The following EDA variants were observed in gnomAD, a reference collection of about 807,000 sequenced individuals.
EDA encodes ectodysplasin-A.
Under a neutral mutation model 23.6 loss-of-function variants are expected in EDA, and 2 were observed. That is an observed-to-expected ratio of 0.08 (90% CI 0.03 to 0.27). The LOEUF is 0.27. EDA is among the 10% of genes least tolerant of loss of function. The pLI is 1.00. For missense variants in EDA, 229 were observed against 324.2 expected, an observed-to-expected ratio of 0.71 and a Z score of 2.26; for synonymous variants, 131 against 132.0, an observed-to-expected ratio of 0.99 and a Z score of 0.05.
intron 1 of EDA, among the ~76,000 whole-genome samples, chrX:69,695,798 C>T (rs1423389912): frequency 9.1e-6 from 1 of 110,139 alleles, no homozygotes; most frequent in African/African-American, 3.3e-5. Context: ...TGAGCCACTG[C>T]ACCCAGCCTC....
chrX:69,676,059 A>G (rs1375395112), intron 1 of EDA, among the ~76,000 whole-genome samples: 2 of 111,377 alleles, frequency 1.8e-5, no homozygotes, highest in Non-Finnish European at 3.8e-5. Context: ...TGACTGAAGC[A>G]GAATGAGTAA....
chrX:69,665,952 G>C (rs1385943074), intron 1 of EDA, among the ~76,000 whole-genome samples: 1 of 111,052 alleles, frequency 9.0e-6, no homozygotes, highest in African/African-American at 3.3e-5. Flanking sequence ...ATGAGCATGG[G>C]ATATCTTTCC....
At chrX:69,959,220 T>C (rs960548250) in intron 2 of EDA, among the ~76,000 whole-genome samples, 2 of 112,105 alleles carry the variant, frequency 1.8e-5, no homozygotes, top group Admixed American at 1.9e-4. Context: ...CTCTAGTCAG[T>C]CACTAGACTC....
At chrX:69,869,049 G>A (rs2017527565) in intron 1 of EDA, among the ~76,000 whole-genome samples, 1 of 111,932 alleles carries the variant, frequency 8.9e-6, no homozygotes, top group African/African-American at 3.3e-5. Flanking sequence ...CGCCACTGAT[G>A]CAATATTGTT....
chrX:70,026,225 G>A (rs1046816371), intron 3 of EDA, among the ~76,000 whole-genome samples: 9 of 112,520 alleles, frequency 8.0e-5, no homozygotes, highest in Non-Finnish European at 1.7e-4. Context: ...GGTGAAGGAA[G>A]GAAGAAGACC....
chrX:69,888,072 A>C (rs999250119), intron 1 of EDA, among the ~76,000 whole-genome samples: 17 of 112,135 alleles, frequency 1.5e-4, no homozygotes, highest in Non-Finnish European at 3.0e-4. Context: ...TCTCTAGTAT[A>C]AAAGTTATCT....
chrX:69,859,529 T>C (rs1348457625), intron 1 of EDA, among the ~76,000 whole-genome samples: 1 of 112,098 alleles, frequency 8.9e-6, no homozygotes, highest in African/African-American at 3.2e-5. Context: ...TCCATGTAAT[T>C]GTATGGTCTT....
At chrX:69,882,164 T>C (rs2017757921) in intron 1 of EDA, among the ~76,000 whole-genome samples, 1 of 111,975 alleles carries the variant, frequency 8.9e-6, no homozygotes, top group South Asian at 3.8e-4. Flanking sequence ...GCCTTAATAT[T>C]ATACCATTAG....
chrX:69,879,101 T>G, intron 1 of EDA, among the ~76,000 whole-genome samples: 1 of 104,322 alleles, frequency 9.6e-6, no homozygotes, highest in East Asian at 3.5e-4. Context: ...CCCCAACCGC[T>G]CCCGCCAAGC....
intron 2 of EDA, among the ~76,000 whole-genome samples, chrX:69,961,031 A>AGAAAG (rs2019094072): frequency 5.8e-5 from 6 of 103,691 alleles, no homozygotes; most frequent in African/African-American, 1.7e-4. Flanking sequence ...AAAAGAAAAA[A>AGAAAG]AAAGAAAGAA....
At chrX:69,723,745 A>T (rs1159365958) in intron 1 of EDA, among the ~76,000 whole-genome samples, 1 of 111,985 alleles carries the variant, frequency 8.9e-6, no homozygotes, top group Non-Finnish European at 1.9e-5. Flanking sequence ...GCATGTTAGA[A>T]TGTGTTTGAA....
chrX:70,020,114 C>T (rs897486015), intron 2 of EDA, among the ~76,000 whole-genome samples: 5 of 111,368 alleles, frequency 4.5e-5, no homozygotes, highest in Non-Finnish European at 9.4e-5. Context: ...TAGGGAAGGC[C>T]TAAGTAAGCA....
At chrX:69,740,313 A>G (rs1047002048) in intron 1 of EDA, among the ~76,000 whole-genome samples, 1 of 111,632 alleles carries the variant, frequency 9.0e-6, no homozygotes, top group African/African-American at 3.2e-5. Context: ...AGTATTTCTT[A>G]TAGGTCATGT....
intron 1 of EDA, among the ~76,000 whole-genome samples, chrX:69,796,293 G>A (rs2015542487): frequency 2.0e-5 from 1 of 50,763 alleles, no homozygotes; most frequent in African/African-American, 8.0e-5. Flanking sequence ...TACTAACACT[G>A]GAGCCAATGT....
chrX:69,972,374 C>T (rs750266321), intron 2 of EDA, among the ~76,000 whole-genome samples: 32 of 111,384 alleles, frequency 2.9e-4, no homozygotes, highest in Non-Finnish European at 2.5e-4. Context: ...TTTTCTAGCA[C>T]GATGGCTGTA....
intron 1 of EDA, among the ~76,000 whole-genome samples, chrX:69,853,965 AGTTTGCT>A (rs2017190730): frequency 9.0e-6 from 1 of 111,507 alleles, no homozygotes; most frequent in Admixed American, 9.5e-5. Flanking sequence ...TATAGGTCAT[AGTTTGCT>A]TACCCTAATC....
At chrX:69,628,311 G>C (rs1932458554) in intron 1 of EDA, among the ~76,000 whole-genome samples, 1 of 111,464 alleles carries the variant, frequency 9.0e-6, no homozygotes, top group Admixed American at 9.5e-5. Flanking sequence ...GGGAAACTCT[G>C]AGAGTTTCTT....
intron 1 of EDA, among the ~76,000 whole-genome samples, chrX:69,655,413 A>G (rs1460304915): frequency 1.8e-5 from 2 of 110,528 alleles, no homozygotes; most frequent in African/African-American, 3.3e-5. Context: ...AAGCAATCAA[A>G]AAGACAGTAA....
intron 1 of EDA, among the ~76,000 whole-genome samples, chrX:69,720,181 G>A (rs971621882): frequency 1.8e-5 from 2 of 112,235 alleles, no homozygotes; most frequent in Non-Finnish European, 3.8e-5. Context: ...ATTATTTGCA[G>A]TTGTTTACTT....
Sources: gnomAD v4.1 joint callset for allele counts (sites outside exome capture counted in the v4.1 genomes callset) on GRCh38, gnomAD v4.1.1 for gene constraint, MANE v1.5 for transcripts, NCBI Gene and HGNC (gene_info 2026-07-23, HGNC 2026-07-21) for gene names.